Variants in CD44 observed in about 807,000 individuals in gnomAD.
CD44 encodes CD44 molecule (IN blood group).
CD44 carries 49 observed loss-of-function variants against 88.8 expected under a neutral mutation model. The observed-to-expected ratio is 0.55, with a 90% confidence interval of 0.44 to 0.70. CD44 has a LOEUF of 0.70. CD44 is among the 30% of genes least tolerant of loss of function. CD44 has a pLI of 0.00. For synonymous variants in CD44, 325 were observed against 312.3 expected, an observed-to-expected ratio of 1.04 and a Z score of -0.43; for missense variants, 883 against 913.8, an observed-to-expected ratio of 0.97 and a Z score of 0.43.
chr11:35,196,979 A>C, intron 6 of CD44, 105 bp downstream of exon 6: 44 of 1,246,360 alleles, frequency 3.5e-5, no homozygotes, highest in Non-Finnish European at 4.3e-5. Context: ...TTCTATTCTC[A>C]CAAATTTTCG....
chr11:35,141,016 G>C (rs1160101858), intron 1 of CD44, among the ~76,000 whole-genome samples: 1 of 146,030 alleles, frequency 6.8e-6, no homozygotes, highest in Non-Finnish European at 1.5e-5. Flanking sequence ...GCGTGACTCT[G>C]TTAAAAAAAA....
At chr11:35,155,979 G>A (rs1302512939) in intron 1 of CD44, among the ~76,000 whole-genome samples, 1 of 152,208 alleles carries the variant, frequency 6.6e-6, no homozygotes, top group Non-Finnish European at 1.5e-5. Flanking sequence ...GCAAGGTTAT[G>A]AAAGGTCAAG....
intron 3 of CD44, among the ~76,000 whole-genome samples, chr11:35,181,865 A>T (rs1285774083): frequency 4.0e-5 from 3 of 74,620 alleles, no homozygotes; most frequent in African/African-American, 1.8e-4. Flanking sequence ...ATAAATTTAT[A>T]TATATATATT....
intron 1 of CD44, among the ~76,000 whole-genome samples, chr11:35,141,887 G>A (rs2132960986): frequency 6.6e-6 from 1 of 152,340 alleles, no homozygotes; most frequent in East Asian, 1.9e-4. Flanking sequence ...AAAGGGGAAG[G>A]AAAGGAGCTC....
Position 35,186,845 on chromosome 11 carries a change from A to G in CD44, c.381A>G (p.Glu127=). Residue 127 remains glutamate (E), a synonymous_variant, in exon 4 of 18, where the codon GAA becomes GAG. Transcript: ENST00000428726. ...CCTACCTCATAGCTCCACCTGAAGAAGATTGTACATCAGTCACAGACCTGC... is the reference window on the plus strand; with the variant it reads ...CCTACCTCATAGCTCCACCTGAAGAGGATTGTACATCAGTCACAGACCTGC... ...YCFNASAPPE[E]DCTSVTDLPN... 2 of 1,604,932 alleles carry G rather than the reference A, an allele frequency of 1.2e-6. No homozygotes were observed. The highest frequency in any genetic ancestry group is 1.7e-6 in the Non-Finnish European group (2 of 1,171,636).
In CD44 at chr11:35,221,826, C is replaced by G; in HGVS notation, c.2024+94C>G. On this transcript the variant is annotated intron_variant, in intron 17 of 17. Transcript: ENST00000428726. ...CTGCTCAGAGCGTAGTCCCTGGAAC[C>G]AGCAGCCTGGGTACCCTGGGAGTTT... 9 of 1,137,902 alleles carry G rather than the reference C, an allele frequency of 7.9e-6. No homozygotes were observed. The South Asian group carries it at 1.1e-4, about 14-fold the overall frequency. 70.5% of individuals were successfully genotyped at this position (1,137,902 alleles called of 1,614,324 possible).
In CD44 at chr11:35,140,918, C is replaced by T. The variant is rs1011069835; in HGVS notation, c.67+1548C>T. Among the ~76,000 whole-genome samples the T allele has an allele frequency of 1.1e-4, 17 of 151,600 alleles. No individual in the cohort carries two copies. The East Asian group carries it at 1.4e-3, about 12-fold the overall frequency. On this transcript the variant is annotated intron_variant, in intron 1 of 17. Coordinates refer to ENST00000428726, the MANE Select transcript of CD44 (RefSeq NM_000610.4). ...CACCTGTAGTCCCAGCTGCTTGGGA[C>T]GCTGAGGCAGGAGAATTGCTTGAAC... is the stretch of plus-strand genomic sequence containing the variant.
intron 5 of CD44, among the ~76,000 whole-genome samples, chr11:35,195,722 T>TAGAAA (rs1273132275): frequency 6.6e-6 from 1 of 152,072 alleles, no homozygotes; most frequent in Non-Finnish European, 1.5e-5. Flanking sequence ...ATGGCAGTCT[T>TAGAAA]TGGAGATTTT....
intron 3 of CD44, among the ~76,000 whole-genome samples, chr11:35,185,243 G>C (rs940558752): frequency 2.6e-5 from 4 of 152,208 alleles, no homozygotes; most frequent in Non-Finnish European, 4.4e-5. Flanking sequence ...CCAAGGAGGT[G>C]ATACTTCTCT....
chr11:35,206,951 A>G (rs893148692), intron 11 of CD44, among the ~76,000 whole-genome samples: 1 of 152,232 alleles, frequency 6.6e-6, no homozygotes, highest in Non-Finnish European at 1.5e-5. Flanking sequence ...ACTGATGAAG[A>G]GAAAGAGATT....
At chr11:35,201,860 T>G in intron 9 of CD44, 73 bp downstream of exon 9, 1 of 1,508,112 alleles carries the variant, frequency 6.6e-7, no homozygotes, top group Admixed American at 1.9e-5. Context: ...GGGAAGATTT[T>G]GTTTAGAAAT....
intron 5 of CD44, among the ~76,000 whole-genome samples, chr11:35,192,923 G>A (rs949708217): frequency 1.3e-5 from 2 of 150,136 alleles, no homozygotes; most frequent in South Asian, 2.1e-4. Context: ...CAAAAATAAC[G>A]CCTATTTCTA....
At chr11:35,162,102 G>A (rs547510781) in intron 1 of CD44, among the ~76,000 whole-genome samples, 3 of 152,180 alleles carry the variant, frequency 2.0e-5, no homozygotes, top group South Asian at 2.1e-4. Context: ...GGCACAGATC[G>A]TGTCTGACTC....
intron 15 of CD44, among the ~76,000 whole-genome samples, chr11:35,217,270 T>C (rs79571388): frequency 4.0e-5 from 6 of 150,658 alleles, no homozygotes; most frequent in Admixed American, 2.0e-4. Context: ...ACTTCTTCTT[T>C]TTTTTTTTTT....
chr11:35,230,272 A>G lies in CD44; in HGVS notation c.*939A>G, dbSNP rs1949997587. 6.6e-6 allele frequency: 1 copy of G among 151,462 alleles called. No individual in the cohort carries two copies. The highest frequency in any genetic ancestry group is 2.4e-5 in the African/African-American group (1 of 41,136). The allele number at this position is 151,462 out of a possible 1,614,324, so 9.4% of individuals were successfully genotyped here. A position where few individuals can be genotyped will look rare whatever the true frequency, so the allele number is the denominator to read the frequency against. On this transcript the variant is annotated 3_prime_UTR_variant, in exon 18 of 18. Coordinates refer to ENST00000428726, the MANE Select transcript of CD44 (RefSeq NM_000610.4). Reference sequence around the variant, plus strand: ...AGGTTTTCCATCCTGTCCTGGAATCAGAGTTGGAAGCTGAGGAGCTTCAGC... The same window carrying G: ...AGGTTTTCCATCCTGTCCTGGAATCGGAGTTGGAAGCTGAGGAGCTTCAGC...
At chr11:35,150,657 T>A (rs1414914684) in intron 1 of CD44, among the ~76,000 whole-genome samples, 9 of 152,208 alleles carry the variant, frequency 5.9e-5, no homozygotes. Flanking sequence ...AAATCCCAGA[T>A]GTGCTCAGAT....
At chr11:35,212,100 G>A (rs1178484737) in intron 14 of CD44, among the ~76,000 whole-genome samples, 13 of 151,960 alleles carry the variant, frequency 8.6e-5, no homozygotes, top group Admixed American at 3.9e-4. Flanking sequence ...AGTTTGACAC[G>A]GACCTAGAAT....
chr11:35,221,584 A>G, intron 16 of CD44, 70 bp from the exon 17 acceptor site: 2 of 1,318,174 alleles, frequency 1.5e-6, no homozygotes, highest in Non-Finnish European at 2.2e-6. Context: ...GGTCAATTAT[A>G]AAGTGCATTT....
chr11:35,184,776 G>A (rs1014995082), intron 3 of CD44, among the ~76,000 whole-genome samples: 1 of 152,148 alleles, frequency 6.6e-6, no homozygotes, highest in Non-Finnish European at 1.5e-5. Flanking sequence ...AGTTATATCT[G>A]TAACTTCCTT....
Sources: gnomAD v4.1 joint callset for allele counts (sites outside exome capture counted in the v4.1 genomes callset) on GRCh38, gnomAD v4.1.1 for gene constraint, MANE v1.5 for transcripts, NCBI Gene and HGNC (gene_info 2026-07-23, HGNC 2026-07-21) for gene names.